NLGN1: variants seen among roughly 807,000 people sequenced by gnomAD.
NLGN1 encodes the protein neuroligin 1, also known as neuroligin-1.
In NLGN1, 12 loss-of-function variants were observed where a neutral mutation model predicts 65.5. The ratio of observed to expected loss-of-function variants is 0.18; its 90% CI spans 0.12 to 0.30. The LOEUF (loss-of-function observed/expected upper bound fraction) is 0.30. Ranked by LOEUF, NLGN1 falls within the 10% of genes least tolerant of loss-of-function variation. NLGN1 has a pLI of 1.00. For synonymous variants in NLGN1, 350 were observed against 359.5 expected (o/e 0.97, Z 0.30); for missense variants, 750 against 1,007.1 (o/e 0.74, Z 3.46).
intron 4 of NLGN1, among the ~76,000 whole-genome samples, chr3:173,809,613 G>A (rs912893245): frequency 1.4e-4 from 22 of 152,034 alleles, no homozygotes; most frequent in African/African-American, 5.3e-4. Flanking sequence ...GCCTCTTTCT[G>A]TTATTGGTTC....
At chr3:174,163,564 T>A (rs1301329029) in intron 4 of NLGN1, among the ~76,000 whole-genome samples, 1 of 152,016 alleles carries the variant, frequency 6.6e-6, no homozygotes, top group Non-Finnish European at 1.5e-5. Flanking sequence ...CAACAGTTTT[T>A]CAACCCTTGC....
intron 2 of NLGN1, among the ~76,000 whole-genome samples, chr3:173,559,602 C>A (rs1384647894): frequency 6.6e-6 from 1 of 152,160 alleles, no homozygotes; most frequent in Non-Finnish European, 1.5e-5. Context: ...GGTGTTTTGA[C>A]TTCCCCTATA....
chr3:174,060,484 CA>C (rs1737157751), intron 4 of NLGN1, among the ~76,000 whole-genome samples: 1 of 152,080 alleles, frequency 6.6e-6, no homozygotes, highest in Non-Finnish European at 1.5e-5. Context: ...GCAAGTGGAA[CA>C]AAACTTTTCC....
chr3:173,832,533 A>G (rs940227111), intron 4 of NLGN1, among the ~76,000 whole-genome samples: 2 of 152,242 alleles, frequency 1.3e-5, no homozygotes, highest in Non-Finnish European at 2.9e-5. Flanking sequence ...TTATGTAAAC[A>G]TTAAAAACAA....
At chr3:173,938,290 C>T (rs1244099116) in intron 4 of NLGN1, among the ~76,000 whole-genome samples, 4 of 152,074 alleles carry the variant, frequency 2.6e-5, no homozygotes, top group African/African-American at 4.8e-5. Flanking sequence ...GAGGATAAAA[C>T]GTGAGCAAGT....
At chr3:174,149,403 A>T (rs1723912865) in intron 4 of NLGN1, among the ~76,000 whole-genome samples, 1 of 152,066 alleles carries the variant, frequency 6.6e-6, no homozygotes, top group Admixed American at 6.6e-5. Flanking sequence ...AAAATTCTAC[A>T]TTTCAGCAGC....
At chr3:174,138,608 G>C (rs1250332436) in intron 4 of NLGN1, among the ~76,000 whole-genome samples, 1 of 151,672 alleles carries the variant, frequency 6.6e-6, no homozygotes. Context: ...CTAATTTTTT[G>C]TATTTTTAGT....
intron 3 of NLGN1, among the ~76,000 whole-genome samples, chr3:173,661,875 G>T (rs1760978829): frequency 6.6e-6 from 1 of 151,982 alleles, no homozygotes; most frequent in South Asian, 2.1e-4. Flanking sequence ...ATGGTAACAG[G>T]CAAATCAGAG....
chr3:174,131,037 G>A (rs1720076264), intron 4 of NLGN1, among the ~76,000 whole-genome samples: 3 of 152,090 alleles, frequency 2.0e-5, no homozygotes, highest in South Asian at 2.1e-4. Context: ...AGAAAAAATA[G>A]TGTAATGAAT....
At chr3:173,528,784 C>A (rs8180041) in intron 2 of NLGN1, among the ~76,000 whole-genome samples, 55,910 of 151,942 alleles carry the variant, frequency 0.37, 12,372 homozygotes, top group East Asian at 0.82. Context: ...TTTTTCATTT[C>A]CAAACGTTCT....
chr3:173,625,322 CCTAA>C lies in NLGN1; in HGVS notation c.493+20235_493+20238del, dbSNP rs148639074. On this transcript the variant is annotated intron_variant, in intron 3 of 6. Coordinates refer to ENST00000457714, the Ensembl canonical transcript of NLGN1. ...TGTGTGTAAGTATTTTATGATTGTA[CCTAA>C]CTATTTCCTGTCCCCTCCCCCCAGC... Among the ~76,000 whole-genome samples the C allele has an allele frequency of 8.2e-3, 1,255 of 152,130 alleles. 16 individuals are homozygous for C. Among genetic ancestry groups the C allele is most frequent in the African/African-American group, 0.028 (1,151 of 41,506 alleles).
intron 4 of NLGN1, among the ~76,000 whole-genome samples, chr3:173,958,902 G>A (rs76806515): frequency 0.012 from 1,818 of 152,296 alleles, 39 homozygotes; most frequent in African/African-American, 0.041. Context: ...GGGTTGTCAC[G>A]TCAGTACTGC....
chr3:173,805,003 G>T (rs1214417838), intron 3 of NLGN1, among the ~76,000 whole-genome samples: 2 of 152,118 alleles, frequency 1.3e-5, no homozygotes, highest in South Asian at 2.1e-4. Context: ...TCCAGCCTGG[G>T]TGACGAGAGT....
chr3:173,475,917 G>T (rs1726125924), intron 2 of NLGN1, among the ~76,000 whole-genome samples: 1 of 152,166 alleles, frequency 6.6e-6, no homozygotes, highest in South Asian at 2.1e-4. Context: ...AACAAGCACT[G>T]CACTTTAAGA....
intron 2 of NLGN1, among the ~76,000 whole-genome samples, chr3:173,546,917 G>T (rs1316441347): frequency 6.6e-6 from 1 of 152,146 alleles, no homozygotes; most frequent in Non-Finnish European, 1.5e-5. Context: ...AAAGTAATAT[G>T]TGCATATGCA....
At chr3:173,440,305 G>A (rs1048213820) in intron 2 of NLGN1, among the ~76,000 whole-genome samples, 1 of 151,988 alleles carries the variant, frequency 6.6e-6, no homozygotes, top group Non-Finnish European at 1.5e-5. Flanking sequence ...ATCCATGAGG[G>A]TTGGAATGAA....
chr3:173,623,344 T>C (rs1056381200), intron 3 of NLGN1, among the ~76,000 whole-genome samples: 1 of 140,420 alleles, frequency 7.1e-6, no homozygotes, highest in Admixed American at 7.2e-5. Context: ...GGAAATGTGA[T>C]TATTTTTGTG....
rs530130949 is a variant in NLGN1, at chr3:173,860,778, G to T, written c.646+52946G>T. On this transcript the variant is annotated intron_variant, in intron 4 of 6. Coordinates refer to ENST00000457714, the Ensembl canonical transcript of NLGN1. ...AATTCATCATAACCTTATTCTTAAA[G>T]AAGAACCTTCCACAGTGTCTGCCTC... Among the ~76,000 whole-genome samples, 100 of 152,220 alleles carry T rather than the reference G, an allele frequency of 6.6e-4. 1 individual carries two copies. The highest frequency in any genetic ancestry group is 2.3e-3 in the African/African-American group (94 of 41,552).
intron 2 of NLGN1, among the ~76,000 whole-genome samples, chr3:173,539,540 T>A (rs1738111053): frequency 7.0e-6 from 1 of 142,870 alleles, no homozygotes; most frequent in African/African-American, 2.5e-5. Flanking sequence ...TACATATGTA[T>A]ATATAAAATA....
Sources: gnomAD v4.1 joint callset for allele counts (sites outside exome capture counted in the v4.1 genomes callset) on GRCh38, gnomAD v4.1.1 for gene constraint, MANE v1.5 for transcripts, NCBI Gene and HGNC (gene_info 2026-07-23, HGNC 2026-07-21) for gene names.